The following BTG4 variants were observed in gnomAD, a reference collection of about 807,000 sequenced individuals.
BTG4 encodes the protein protein BTG4.
A neutral mutation model predicts 19.3 loss-of-function variants in BTG4; 10 were observed. That is an observed-to-expected ratio of 0.52 (90% CI 0.32 to 0.88). The LOEUF (loss-of-function observed/expected upper bound fraction) is 0.88. BTG4 is among the 40% of genes least tolerant of loss of function. The probability of loss-of-function intolerance (pLI) is 0.04; values close to 1 mark genes in which losing one functional copy is unlikely to be tolerated. For missense variants in BTG4, 238 were observed against 281.9 expected (o/e 0.84, Z 1.11); for synonymous variants, 91 against 95.7 (o/e 0.95, Z 0.29).
At chr11:111,442,709 GAA>G in the BTG4 span, among the ~76,000 whole-genome samples, 14 of 149,282 alleles carry the variant, frequency 9.4e-5, no homozygotes, top group East Asian at 1.2e-3. Flanking sequence ...GAAAGACAGG[GAA>G]AAAAAAAAAC....
chr11:111,498,333 A>G (rs1286259478), intron 2 of BTG4, among the ~76,000 whole-genome samples, 198 bp from the exon 3 acceptor site: 1 of 152,212 alleles, frequency 6.6e-6, no homozygotes, highest in East Asian at 1.9e-4. Flanking sequence ...TGTATGTTGC[A>G]TCACTAAGTC....
At chr11:111,405,124 G>A in the BTG4 span, among the ~76,000 whole-genome samples, 52 of 152,238 alleles carry the variant, frequency 3.4e-4, no homozygotes, top group Admixed American at 2.6e-4. Flanking sequence ...TGTCAGAACC[G>A]GCCAGGCGCG....
At chr11:111,386,885 T>C in the BTG4 span, among the ~76,000 whole-genome samples, 1 of 152,224 alleles carries the variant, frequency 6.6e-6, no homozygotes, top group African/African-American at 2.4e-5. Flanking sequence ...TTCATTCTTA[T>C]GCATAATTTC....
chr11:111,406,637 G>T, the BTG4 span, among the ~76,000 whole-genome samples: 1 of 152,174 alleles, frequency 6.6e-6, no homozygotes, highest in African/African-American at 2.4e-5. Context: ...AGCCCATTTA[G>T]TTGGACCAGA....
intron 2 of BTG4, 140 bp downstream of exon 2, chr11:111,498,464 T>C (rs1472554822): frequency 2.6e-6 from 2 of 755,912 alleles, no homozygotes; most frequent in Middle Eastern, 3.3e-4. Flanking sequence ...CTCCTTTCAA[T>C]TCCACGTTCA....
At chr11:111,498,842 TG>T in intron 1 of BTG4, 40 bp from the exon 2 acceptor site, 3 of 1,373,456 alleles carry the variant, frequency 2.2e-6, no homozygotes, top group Non-Finnish European at 3.0e-6. Context: ...TAGAAAGAAA[TG>T]GTTTAACTTA....
the BTG4 span, among the ~76,000 whole-genome samples, chr11:111,387,810 A>T: frequency 6.6e-6 from 1 of 152,208 alleles, no homozygotes; most frequent in Non-Finnish European, 1.5e-5. Flanking sequence ...GGGGAAAAAT[A>T]GTCTTTGCAA....
At chr11:111,400,995 A>T in the BTG4 span, 1 of 150,518 alleles carries the variant, frequency 6.6e-6, no homozygotes, top group East Asian at 2.0e-4. Context: ...AGAGCAGAGG[A>T]CACTAAAGAG....
Position 111,495,378 on chromosome 11 carries a change from A to T in BTG4, c.511-64T>A, listed in dbSNP as rs929802917. ...TGTAAGGACTAAATATGAACCCATA[A>T]TTCAAAAGTCAGGCACTTCAAAAGC... On this transcript the variant is annotated intron_variant, in intron 4 of 4. Coordinates refer to ENST00000692032, the MANE Select transcript of BTG4 (RefSeq NM_001367975.1). The T allele has an allele frequency of 6.5e-6, 9 of 1,395,120 alleles. No homozygotes were observed. The African/African-American group carries it at 1.0e-4, about 16-fold the overall frequency. 86.4% of individuals were successfully genotyped at this position (1,395,120 alleles called of 1,614,324 possible).
At chr11:111,433,491 T>C in the BTG4 span, among the ~76,000 whole-genome samples, 1 of 152,322 alleles carries the variant, frequency 6.6e-6, no homozygotes, top group East Asian at 1.9e-4. Context: ...GACATAGGCA[T>C]AGGCAAAGAC....
intron 1 of BTG4, among the ~76,000 whole-genome samples, chr11:111,499,224 A>G (rs1865919436): frequency 6.6e-6 from 1 of 152,242 alleles, no homozygotes. Flanking sequence ...GGAATAATCA[A>G]ACACATTATA....
the BTG4 span, chr11:111,448,418 G>A: frequency 6.5e-6 from 1 of 152,784 alleles, no homozygotes; most frequent in African/African-American, 2.4e-5. Flanking sequence ...CTAAGTCTTA[G>A]TCCTAATTAC....
chr11:111,458,645 G>A, the BTG4 span, among the ~76,000 whole-genome samples: 155 of 152,174 alleles, frequency 1.0e-3, 1 homozygote, highest in African/African-American at 3.6e-3. Flanking sequence ...TTCTGCAGCA[G>A]TCTTCCACTT....
intron 5 of BTG4, among the ~76,000 whole-genome samples, chr11:111,472,425 G>C (rs905483608): frequency 6.6e-6 from 1 of 152,194 alleles, no homozygotes; most frequent in Non-Finnish European, 1.5e-5. Context: ...GTTTTTGATT[G>C]GCATGACTCA....
downstream of BTG4, chr11:111,466,617 G>A (rs1017809897): frequency 1.3e-5 from 2 of 152,084 alleles, no homozygotes; most frequent in African/African-American, 4.9e-5. Context: ...GTGGATGGAT[G>A]GATGGATGGA....
chr11:111,508,544 C>G (rs995526805), intron 1 of BTG4, among the ~76,000 whole-genome samples: 2 of 152,006 alleles, frequency 1.3e-5, no homozygotes, highest in Non-Finnish European at 1.5e-5. Context: ...GTTTTTCCTT[C>G]ACAAATTGCT....
chr11:111,384,515 A>T, the BTG4 span, among the ~76,000 whole-genome samples: 1 of 152,202 alleles, frequency 6.6e-6, no homozygotes, highest in African/African-American at 2.4e-5. Context: ...CCACAGCAAA[A>T]CTAGATGCAA....
chr11:111,430,510 A>G, the BTG4 span, among the ~76,000 whole-genome samples: 2 of 152,290 alleles, frequency 1.3e-5, no homozygotes, highest in East Asian at 3.9e-4. Flanking sequence ...GTCCACAAGC[A>G]ATTTCCTTGT....
the BTG4 span, among the ~76,000 whole-genome samples, chr11:111,433,601 A>C: frequency 6.6e-6 from 1 of 152,382 alleles, no homozygotes; most frequent in South Asian, 2.1e-4. Flanking sequence ...AGAAACTATC[A>C]TTAGAGTGAA....
Sources: gnomAD v4.1 joint callset for allele counts (sites outside exome capture counted in the v4.1 genomes callset) on GRCh38, gnomAD v4.1.1 for gene constraint, MANE v1.5 for transcripts, NCBI Gene and HGNC (gene_info 2026-07-23, HGNC 2026-07-21) for gene names.